PUS1: variants seen among roughly 807,000 people sequenced by gnomAD.
PUS1 encodes the protein pseudouridine synthase 1.
A neutral mutation model predicts 38.5 loss-of-function variants in PUS1; 25 were observed. The ratio of observed to expected loss-of-function variants is 0.65; its 90% CI spans 0.47 to 0.91. The LOEUF is 0.91. PUS1 is among the 40% of genes least tolerant of loss of function. The probability of loss-of-function intolerance (pLI) is 0.00; values close to 1 mark genes in which losing one functional copy is unlikely to be tolerated. For synonymous variants in PUS1, 282 were observed against 260.4 expected (o/e 1.08, Z -0.80); for missense variants, 597 against 612.3 (o/e 0.97, Z 0.26).
intron 3 of PUS1, 98 bp downstream of exon 3, chr12:131,932,410 A>ACATAATGAT: frequency 7.2e-7 from 1 of 1,392,726 alleles, no homozygotes; most frequent in Non-Finnish European, 1.0e-6. Flanking sequence ...GTTTCTGAGC[A>ACATAATGAT]CATAATGATG....
Position 131,941,813 on chromosome 12 carries a change from C to G in PUS1, c.1066C>G (p.Leu356Val), listed in dbSNP as rs1355123338. The G allele has an allele frequency of 1.9e-6, 3 of 1,613,796 alleles. No individual in the cohort carries two copies. The highest frequency in any genetic ancestry group is 1.7e-6 in the Non-Finnish European group (2 of 1,179,740). The change falls in exon 5 of 6, where the codon CTG becomes GTG. Residue 356 changes from leucine (L) to valine (V), a missense_variant. Transcript: ENST00000376649. This position sits in a 1 kb window ranked among gnomAD's most constrained non-coding sequence, Gnocchi z 4.4. The stretch of plus-strand genomic sequence containing the variant: ...TGGCAACGATGGGCTGCATGAGCCG[C>G]TGGACTGGGCGCAGGAGGAAGGAAA... Reference protein sequence around the residue: ...RFGNDGLHEPLDWAQEEGKVA... With the variant: ...RFGNDGLHEPVDWAQEEGKVA...
chr12:131,933,803 A>G (rs1053355627), intron 3 of PUS1, among the ~76,000 whole-genome samples: 4 of 152,252 alleles, frequency 2.6e-5, no homozygotes, highest in Admixed American at 6.5e-5. Flanking sequence ...AGATCGTAGA[A>G]AAATAAAGAT....
intron 3 of PUS1, chr12:131,932,713 CT>C: frequency 7.8e-6 from 3 of 383,474 alleles, no homozygotes; most frequent in Admixed American, 7.2e-5. Flanking sequence ...CTTTTCTTTC[CT>C]TTTTTAGAGT....
intron 3 of PUS1, among the ~76,000 whole-genome samples, chr12:131,933,992 A>G (rs1462060501): frequency 6.6e-6 from 1 of 152,238 alleles, no homozygotes; most frequent in Non-Finnish European, 1.5e-5. Flanking sequence ...CGCGAGTGAC[A>G]TGTCCACCGG....
intron 2 of PUS1, 41 bp downstream of exon 2, chr12:131,930,176 G>T: frequency 7.4e-7 from 1 of 1,344,018 alleles, no homozygotes. Flanking sequence ...CGGGGTTTAG[G>T]TGCAGGTGCG....
Position 131,929,951 on chromosome 12 carries a change from C to T in PUS1, c.119C>T (p.Ala40Val). 1 of 1,505,798 alleles carries T rather than the reference C, an allele frequency of 6.6e-7. No individual in the cohort carries two copies. The highest frequency in any genetic ancestry group is 8.8e-7 in the Non-Finnish European group (1 of 1,137,024). 93.3% of individuals were successfully genotyped at this position (1,505,798 alleles called of 1,614,324 possible). A position where few individuals can be genotyped will look rare whatever the true frequency, so the allele number is the denominator to read the frequency against. The change falls in exon 2 of 6, where the codon GCC becomes GTC. Residue 40 changes from alanine to valine, a missense_variant. By Grantham distance (64) the Ala-to-Val change is moderately conservative. Transcript: ENST00000376649. ...AGNAEPPPAG[A>V]ACPQDRRSCS... is the part of the protein sequence containing the mutation. ...AACGCGGAGCCGCCGCCCGCCGGAG[C>T]CGCATGCCCCCAGGACCGGAGGTCC...
At chr12:131,937,771 CTT>C (rs1487632013) in intron 3 of PUS1, among the ~76,000 whole-genome samples, 7 of 152,040 alleles carry the variant, frequency 4.6e-5, no homozygotes, top group Non-Finnish European at 5.9e-5. Context: ...GTCTTGAACT[CTT>C]GGGCTCAAGC....
In PUS1 at chr12:131,943,757, G is replaced by A. The variant is rs139264390; in HGVS notation, c.*171G>A. On this transcript the variant is annotated 3_prime_UTR_variant, in exon 6 of 6. Coordinates refer to ENST00000376649, the MANE Select transcript of PUS1 (RefSeq NM_025215.6). ...TGTAGGAACAGCCTTTCTCGAATCT[G>A]TTTTCAGCTCTTGCATTGCATAGAT... 9.7e-4 allele frequency: 626 copies of A among 645,640 alleles called. 2 individuals are homozygous for A. In the African/African-American group the frequency reaches 0.01, roughly 10 times the overall value. The allele number at this position is 645,640 out of a possible 1,614,324, so 40.0% of individuals were successfully genotyped here.
At chr12:131,932,825 C>G (rs1342267121) in intron 3 of PUS1, 13 of 454,248 alleles carry the variant, frequency 2.9e-5, no homozygotes, top group Non-Finnish European at 5.3e-5. Flanking sequence ...GCCTCAGCCT[C>G]CCGAGTAGGT....
At chr12:131,936,664 G>A (rs1161639918) in intron 3 of PUS1, among the ~76,000 whole-genome samples, 2 of 152,138 alleles carry the variant, frequency 1.3e-5, no homozygotes, top group South Asian at 2.1e-4. Flanking sequence ...CAAAGTGGAC[G>A]GATCACTTGA....
At chr12:131,936,433 C>T (rs1210484977) in intron 3 of PUS1, among the ~76,000 whole-genome samples, 2 of 150,360 alleles carry the variant, frequency 1.3e-5, no homozygotes, top group African/African-American at 2.4e-5. Flanking sequence ...TGTGGTGGTG[C>T]ACGCCTGTAA....
rs765769556 is a variant in PUS1, at chr12:131,929,730, T to A, written c.8T>A (p.Leu3His). The change falls in exon 1 of 6, where the codon CTC (leucine) becomes CAC (histidine). Residue 3 changes from leucine (L) to histidine (H), a missense_variant. Transcript: ENST00000376649. The part of the protein sequence containing the change: MG[L>H]QLRALLGAFG... ...TGCACTGGTAGCCTGCGCATGGGCC[T>A]CCAGCTTCGCGCGCTGTTGGGAGCC... 6 of 1,590,974 alleles carry A rather than the reference T, an allele frequency of 3.8e-6. No homozygotes were observed. The highest frequency in any genetic ancestry group is 5.1e-6 in the Non-Finnish European group (6 of 1,175,748).
In PUS1 at chr12:131,941,189, T is replaced by C; in HGVS notation, c.545-103T>C. The C allele has an allele frequency of 2.0e-6, 2 of 1,019,256 alleles. No individual in the cohort carries two copies. The highest frequency in any genetic ancestry group is 3.0e-6 in the Non-Finnish European group (2 of 668,880). 63.1% of individuals were successfully genotyped at this position (1,019,256 alleles called of 1,614,324 possible). ...ATGCTTGCTGGAGCTTGGTCGGTGCTCTGGGTAAGGAGACGCTGGGGCTCA... is the reference window on the plus strand; with the variant it reads ...ATGCTTGCTGGAGCTTGGTCGGTGCCCTGGGTAAGGAGACGCTGGGGCTCA... On this transcript the variant is annotated intron_variant, in intron 4 of 5. Coordinates refer to ENST00000376649, the MANE Select transcript of PUS1 (RefSeq NM_025215.6). The surrounding 1 kb of genome is among the most constrained non-coding windows in gnomAD (Gnocchi z 4.4).
intron 3 of PUS1, among the ~76,000 whole-genome samples, chr12:131,937,313 G>T (rs1199806429): frequency 6.6e-6 from 1 of 152,172 alleles, no homozygotes; most frequent in Non-Finnish European, 1.5e-5. Context: ...AGTCTTCCCA[G>T]ATTCACCAAG....
At chr12:131,932,735 T>C in intron 3 of PUS1, 1 of 396,206 alleles carries the variant, frequency 2.5e-6, no homozygotes, top group South Asian at 1.9e-5. Flanking sequence ...CAGGATCTCA[T>C]TCTGTTGCCC....
rs985654403 is a variant in PUS1 at position 131,929,901 on chromosome 12, C to T, written c.75-6C>T. On this transcript the variant is annotated splice_polypyrimidine_tract_variant and splice_region_variant and intron_variant, in intron 1 of 5. Coordinates refer to ENST00000376649, the MANE Select transcript of PUS1 (RefSeq NM_025215.6). ...GGGCCCCCGCTCACGCCGCCCTTCTCCGCAGCTCGCCGCGCATGGCCGGGA... is the reference window on the plus strand; with the variant it reads ...GGGCCCCCGCTCACGCCGCCCTTCTTCGCAGCTCGCCGCGCATGGCCGGGA... 3 of 1,439,608 alleles carry T rather than the reference C, an allele frequency of 2.1e-6. No homozygotes were observed. The highest frequency in any genetic ancestry group is 3.0e-5 in the African/African-American group (2 of 67,130). 89.2% of individuals were successfully genotyped at this position (1,439,608 alleles called of 1,614,324 possible).
Position 131,941,069 on chromosome 12 carries a change from C to CAGTCACCTT in PUS1, c.545-221_545-213dup. ...AAATTACAATAAATGGTTGTAAATT[C>CAGTCACCTT]AGTCACCTTATAGAGCACTGCACCT... On this transcript the variant is annotated intron_variant, in intron 4 of 5. Coordinates refer to ENST00000376649, the MANE Select transcript of PUS1 (RefSeq NM_025215.6). The surrounding 1 kb of genome is among the most constrained non-coding windows in gnomAD (Gnocchi z 4.4). 1.7e-6 allele frequency: 1 copy of CAGTCACCTT among 571,734 alleles called. No individual in the cohort carries two copies. Among genetic ancestry groups the CAGTCACCTT allele is most frequent in the East Asian group, 2.8e-5 (1 of 35,470 alleles). The allele number at this position is 571,734 out of a possible 1,614,324, so 35.4% of individuals were successfully genotyped here. A position where few individuals can be genotyped will look rare whatever the true frequency, so the allele number is the denominator to read the frequency against.
chr12:131,941,838 A>G lies in PUS1; in HGVS notation c.1091A>G (p.Lys364Arg). Residue 364 changes from lysine (K) to arginine (R), a missense_variant, in exon 5 of 6, where the codon AAG (lysine) becomes AGG (arginine). Physicochemically the swap from Lys to Arg is conservative, Grantham distance 26. Coordinates refer to ENST00000376649, the MANE Select transcript of PUS1 (RefSeq NM_025215.6). This position sits in a 1 kb window ranked among gnomAD's most constrained non-coding sequence, Gnocchi z 4.4. ...EPLDWAQEEGKVAAFKEEHIY... is the reference protein window; with the variant it reads ...EPLDWAQEEGRVAAFKEEHIY... ...CTGGACTGGGCGCAGGAGGAAGGAAAGGTCGCAGCCTTCAAGGAGGAGCAC... is the reference window on the plus strand; with the variant it reads ...CTGGACTGGGCGCAGGAGGAAGGAAGGGTCGCAGCCTTCAAGGAGGAGCAC... The G allele has an allele frequency of 6.2e-7, 1 of 1,614,026 alleles. No homozygotes were observed. Among genetic ancestry groups the G allele is most frequent in the Non-Finnish European group, 8.5e-7 (1 of 1,179,998 alleles).
At chr12:131,932,655 T>C (rs1890657328) in intron 3 of PUS1, 1 of 443,446 alleles carries the variant, frequency 2.3e-6, no homozygotes, top group African/African-American at 2.0e-5. Context: ...CAGATGTAAT[T>C]GTGTGGCTGC....
Sources: allele counts gnomAD v4.1 joint callset (sites outside exome capture counted in the v4.1 genomes callset), GRCh38; gene constraint gnomAD v4.1.1; non-coding constraint Gnocchi (gnomAD v3.1); transcripts MANE v1.5; gene names NCBI Gene and HGNC (gene_info 2026-07-23, HGNC 2026-07-21).